ROBO1: variants seen among roughly 807,000 people sequenced by gnomAD.
ROBO1 encodes roundabout guidance receptor 1.
ROBO1 carries 149 observed loss-of-function variants against 195.9 expected under a neutral mutation model. That is an observed-to-expected ratio of 0.76 (90% CI 0.67 to 0.87). The LOEUF (loss-of-function observed/expected upper bound fraction) is 0.87. Ranked by LOEUF, ROBO1 falls within the 40% of genes least tolerant of loss-of-function variation. ROBO1 has a pLI of 0.00. For synonymous variants in ROBO1, 816 were observed against 733.2 expected (o/e 1.11, Z -1.82); for missense variants, 1,933 against 2,068.3 (o/e 0.93, Z 1.27).
intron 3 of ROBO1, among the ~76,000 whole-genome samples, chr3:79,053,590 C>CT (rs1282243070): frequency 2.6e-5 from 4 of 152,000 alleles, no homozygotes; most frequent in African/African-American, 9.7e-5. Flanking sequence ...ACTTTGCCAT[C>CT]CATTCAGCCT....
chr3:79,324,394 T>C (rs1437399590), intron 2 of ROBO1, among the ~76,000 whole-genome samples: 1 of 152,122 alleles, frequency 6.6e-6, no homozygotes, highest in Non-Finnish European at 1.5e-5. Flanking sequence ...AGAAATGGAA[T>C]CATCAATATA....
chr3:79,667,914 A>C (rs1946519699), intron 1 of ROBO1, among the ~76,000 whole-genome samples: 1 of 151,802 alleles, frequency 6.6e-6, no homozygotes, highest in Non-Finnish European at 1.5e-5. Context: ...AAAAAATTTC[A>C]CTTATAACAT....
intron 2 of ROBO1, among the ~76,000 whole-genome samples, chr3:79,187,475 T>C (rs1222805239): frequency 6.6e-6 from 1 of 152,042 alleles, no homozygotes; most frequent in Non-Finnish European, 1.5e-5. Flanking sequence ...TAATTGGATA[T>C]ATTTTCTCAA....
chr3:79,691,355 G>A (rs1947292633), intron 1 of ROBO1, among the ~76,000 whole-genome samples: 1 of 151,712 alleles, frequency 6.6e-6, no homozygotes, highest in South Asian at 2.1e-4. Context: ...CAAAATTTAT[G>A]AGAGAAACAA....
At chr3:79,126,202 T>A (rs1022443487) in intron 2 of ROBO1, among the ~76,000 whole-genome samples, 1 of 152,238 alleles carries the variant, frequency 6.6e-6, no homozygotes, top group Non-Finnish European at 1.5e-5. Context: ...TAACTTTGGA[T>A]ATTTTGGGTT....
At chr3:79,321,809 A>T (rs370657140) in intron 2 of ROBO1, among the ~76,000 whole-genome samples, 2 of 152,320 alleles carry the variant, frequency 1.3e-5, no homozygotes, top group East Asian at 3.9e-4. Context: ...GCATGGGTCC[A>T]TGTCCGTAAA....
At chr3:79,563,960 A>T (rs1425733839) in intron 2 of ROBO1, among the ~76,000 whole-genome samples, 1 of 151,964 alleles carries the variant, frequency 6.6e-6, no homozygotes, top group Non-Finnish European at 1.5e-5. Context: ...ACTCTAATAT[A>T]GATTATAGGA....
intron 2 of ROBO1, among the ~76,000 whole-genome samples, chr3:79,580,418 G>T (rs1943622537): frequency 6.6e-6 from 1 of 151,532 alleles, no homozygotes; most frequent in South Asian, 2.1e-4. Flanking sequence ...GGAGGCAAAG[G>T]TTGCAGTGAG....
chr3:79,339,709 T>G (rs2034829003), intron 2 of ROBO1, among the ~76,000 whole-genome samples: 2 of 152,230 alleles, frequency 1.3e-5, no homozygotes, highest in African/African-American at 4.8e-5. Context: ...CCACTAAGCA[T>G]TAAGCTCCGT....
At chr3:78,839,436 A>ATT (rs377740523) in intron 4 of ROBO1, among the ~76,000 whole-genome samples, 1 of 150,812 alleles carries the variant, frequency 6.6e-6, no homozygotes, top group Non-Finnish European at 1.5e-5. Flanking sequence ...AAAAAAGAAT[A>ATT]TTTTTTTTCA....
At chr3:79,530,841 A>G (rs1370515977) in intron 2 of ROBO1, among the ~76,000 whole-genome samples, 1 of 149,528 alleles carries the variant, frequency 6.7e-6, no homozygotes, top group Non-Finnish European at 1.5e-5. Context: ...TAGAATAAAG[A>G]TGGAAGTCCC....
chr3:79,213,191 G>A (rs889336675), intron 2 of ROBO1, among the ~76,000 whole-genome samples: 1 of 151,454 alleles, frequency 6.6e-6, no homozygotes, highest in South Asian at 2.1e-4. Flanking sequence ...GTTGCAGTGA[G>A]CTGAGATCAT....
At chr3:78,902,860 A>G (rs572306741) in intron 4 of ROBO1, among the ~76,000 whole-genome samples, 1 of 152,310 alleles carries the variant, frequency 6.6e-6, no homozygotes, top group Admixed American at 6.5e-5. Context: ...TAAAAATAAA[A>G]TAAAATAAAC....
intron 2 of ROBO1, among the ~76,000 whole-genome samples, chr3:79,295,666 C>T (rs372107717): frequency 6.6e-6 from 1 of 151,678 alleles, no homozygotes; most frequent in Non-Finnish European, 1.5e-5. Context: ...GATGAATCAA[C>T]GAATAGTCCA....
chr3:79,384,848 A>T (rs2036685437), intron 2 of ROBO1, among the ~76,000 whole-genome samples: 1 of 152,070 alleles, frequency 6.6e-6, no homozygotes, highest in Non-Finnish European at 1.5e-5. Flanking sequence ...ATCTCAAAAC[A>T]TTCTGCTTTA....
At chr3:78,612,402 C>T (rs889940782) in intron 28 of ROBO1, among the ~76,000 whole-genome samples, 4 of 152,108 alleles carry the variant, frequency 2.6e-5, no homozygotes, top group Admixed American at 6.6e-5. Context: ...CCAATTGTGT[C>T]TGCCATTGAG....
chr3:79,728,871 T>C (rs1703033445), intron 1 of ROBO1, among the ~76,000 whole-genome samples: 1 of 152,130 alleles, frequency 6.6e-6, no homozygotes, highest in Non-Finnish European at 1.5e-5. Flanking sequence ...TGATTACCTT[T>C]TTTAATGATT....
chr3:78,697,957 G>T, intron 8 of ROBO1, among the ~76,000 whole-genome samples: 1 of 151,864 alleles, frequency 6.6e-6, no homozygotes, highest in Non-Finnish European at 1.5e-5. Flanking sequence ...AAATCATCTC[G>T]ACTATGGAAT....
At chr3:79,247,149 A>C (rs1234483531) in intron 2 of ROBO1, among the ~76,000 whole-genome samples, 1 of 130,238 alleles carries the variant, frequency 7.7e-6, no homozygotes, top group East Asian at 1.9e-4. Flanking sequence ...TTTTGTAAGA[A>C]GTATAATAGA....
Sources: allele counts gnomAD v4.1 joint callset (sites outside exome capture counted in the v4.1 genomes callset), GRCh38; gene constraint gnomAD v4.1.1; transcripts MANE v1.5; gene names NCBI Gene and HGNC (gene_info 2026-07-23, HGNC 2026-07-21).